TNFAIP8: variants seen among roughly 807,000 people sequenced by gnomAD.
TNFAIP8 encodes the protein TNF alpha induced protein 8, also known as tumor necrosis factor alpha-induced protein 8.
A neutral mutation model predicts 13.3 loss-of-function variants in TNFAIP8; 7 were observed. That is an observed-to-expected ratio of 0.52 (90% CI 0.30 to 0.99). The LOEUF is 0.99. TNFAIP8 is among the 50% of genes least tolerant of loss of function. The probability of loss-of-function intolerance (pLI) is 0.07; values close to 1 mark genes in which losing one functional copy is unlikely to be tolerated. For synonymous variants in TNFAIP8, 94 were observed against 87.6 expected (o/e 1.07, Z -0.41); for missense variants, 258 against 236.9 (o/e 1.09, Z -0.58).
At chr5:119,305,418 A>G (rs1288679300) in intron 1 of TNFAIP8, among the ~76,000 whole-genome samples, 1 of 152,184 alleles carries the variant, frequency 6.6e-6, no homozygotes, top group Non-Finnish European at 1.5e-5. Flanking sequence ...TTGAGTGGTC[A>G]TATCAATTCT....
chr5:119,371,802 G>C (rs1752082745), intron 1 of TNFAIP8, among the ~76,000 whole-genome samples: 1 of 152,104 alleles, frequency 6.6e-6, no homozygotes, highest in Non-Finnish European at 1.5e-5. Context: ...AAGGTGGACA[G>C]AGGTGGTCCA....
intron 1 of TNFAIP8, among the ~76,000 whole-genome samples, chr5:119,387,327 A>G (rs1580449734): frequency 6.6e-6 from 1 of 152,210 alleles, no homozygotes; most frequent in South Asian, 2.1e-4. Flanking sequence ...TTAACAGACA[A>G]CAGCCAGACA....
At chr5:119,369,668 A>G (rs922162072) in intron 1 of TNFAIP8, among the ~76,000 whole-genome samples, 1 of 152,126 alleles carries the variant, frequency 6.6e-6, no homozygotes, top group South Asian at 2.1e-4. Flanking sequence ...ACTGTGTTTT[A>G]CTCAATAGGT....
intron 1 of TNFAIP8, chr5:119,391,434 C>T: frequency 8.5e-6 from 6 of 702,152 alleles, no homozygotes; most frequent in South Asian, 7.4e-5. Flanking sequence ...AGTAGACACC[C>T]AAAGAACTGC....
chr5:119,333,433 T>C, intron 1 of TNFAIP8: 6 of 1,394,074 alleles, frequency 4.3e-6, no homozygotes, highest in Non-Finnish European at 5.6e-6. Context: ...GGTAAGCTTA[T>C]GGTAGATTTT....
At chr5:119,329,898 A>G (rs1398608471) in intron 1 of TNFAIP8, among the ~76,000 whole-genome samples, 1 of 151,912 alleles carries the variant, frequency 6.6e-6, no homozygotes, top group Non-Finnish European at 1.5e-5. Context: ...GAGTCTGACC[A>G]TCCGCCGTCT....
At chr5:119,299,680 GT>G (rs1581583632) in intron 1 of TNFAIP8, among the ~76,000 whole-genome samples, 2 of 152,338 alleles carry the variant, frequency 1.3e-5, no homozygotes, top group East Asian at 3.9e-4. Context: ...GGTTACTGCT[GT>G]CTTTTTGTTT....
chr5:119,362,152 A>G (rs745664406), intron 1 of TNFAIP8, among the ~76,000 whole-genome samples: 4 of 152,240 alleles, frequency 2.6e-5, no homozygotes, highest in Non-Finnish European at 5.9e-5. Context: ...CATGATGGAC[A>G]GAAGTGACTT....
chr5:119,393,458 G>C lies in TNFAIP8; in HGVS notation c.*77G>C. On this transcript the variant is annotated 3_prime_UTR_variant, in exon 2 of 2. Transcript: ENST00000504771. ...TGCTGATTTATGAAGGAAAAAAGAAGAATTTTCTAAAGATTACACATATTT... is the reference window on the plus strand; with the variant it reads ...TGCTGATTTATGAAGGAAAAAAGAACAATTTTCTAAAGATTACACATATTT... 7.5e-7 allele frequency: 1 copy of C among 1,334,474 alleles called. No individual in the cohort carries two copies. Among genetic ancestry groups the C allele is most frequent in the Non-Finnish European group, 1.0e-6 (1 of 975,444 alleles). The allele number at this position is 1,334,474 out of a possible 1,614,324, so 82.7% of individuals were successfully genotyped here. A position where few individuals can be genotyped will look rare whatever the true frequency, so the allele number is the denominator to read the frequency against.
rs1297345837 is a variant in TNFAIP8 at position 119,392,975 on chromosome 5, A to G, written c.191A>G (p.Asn64Ser). 3 of 1,612,538 alleles carry G rather than the reference A, an allele frequency of 1.9e-6. No individual in the cohort carries two copies. The highest frequency in any genetic ancestry group is 2.5e-6 in the Non-Finnish European group (3 of 1,179,246). ...LYRVTREYTQ[N>S]KKEAEKIIKN... is the part of the protein sequence containing the mutation. ...AGAGTGACCAGGGAGTACACCCAAA[A>G]CAAGAAGGAGGCAGAGAAGATCATC... is the stretch of plus-strand genomic sequence containing the variant. The change falls in exon 2 of 2, where the codon AAC becomes AGC. Residue 64 changes from asparagine to serine, a missense_variant. Asn to Ser is a conservative substitution (Grantham distance 46). Transcript: ENST00000504771.
intron 1 of TNFAIP8, among the ~76,000 whole-genome samples, chr5:119,279,776 C>A (rs1006001078): frequency 6.6e-6 from 1 of 152,110 alleles, no homozygotes; most frequent in Non-Finnish European, 1.5e-5. Context: ...TGAGATTGCT[C>A]TTGAGGTATT....
chr5:119,300,271 T>C (rs1272655247), intron 1 of TNFAIP8, among the ~76,000 whole-genome samples: 2 of 152,208 alleles, frequency 1.3e-5, no homozygotes, highest in Admixed American at 1.3e-4. Flanking sequence ...CCCAGTACCT[T>C]CTTAGCAGGA....
At chr5:119,271,141 C>A (rs1748281334) in intron 1 of TNFAIP8, among the ~76,000 whole-genome samples, 1 of 152,134 alleles carries the variant, frequency 6.6e-6, no homozygotes, top group Admixed American at 6.5e-5. Context: ...ACTGCAGAGG[C>A]CAGGAACAGA....
At chr5:119,355,382 G>C (rs1391898212), upstream of TNFAIP8, 4 of 702,470 alleles carry the variant, frequency 5.7e-6, no homozygotes, top group Non-Finnish European at 7.8e-6. Flanking sequence ...GTCTGCTTTT[G>C]CTGTGCAAAG....
intron 1 of TNFAIP8, among the ~76,000 whole-genome samples, chr5:119,272,287 A>G (rs189454455): frequency 1.9e-4 from 29 of 152,334 alleles, no homozygotes; most frequent in African/African-American, 6.7e-4. Context: ...AGCACCATTC[A>G]TTCACACAGC....
intron 1 of TNFAIP8, among the ~76,000 whole-genome samples, chr5:119,377,606 T>G (rs1190247934): frequency 6.6e-6 from 1 of 152,092 alleles, no homozygotes; most frequent in Non-Finnish European, 1.5e-5. Flanking sequence ...TCTATAGAAA[T>G]AAGGAGATTT....
chr5:119,355,962 A>C, upstream of TNFAIP8: 5 of 1,466,214 alleles, frequency 3.4e-6, no homozygotes, highest in Non-Finnish European at 4.6e-6. Flanking sequence ...CGCCCCGGGG[A>C]GGTTTTGATT....
chr5:119,292,644 GCA>G (rs1561985853), intron 1 of TNFAIP8, among the ~76,000 whole-genome samples: 1 of 27,398 alleles, frequency 3.6e-5, no homozygotes, highest in Non-Finnish European at 9.3e-5. Flanking sequence ...AATCAATGTA[GCA>G]TATATATATA....
chr5:119,282,436 C>T (rs994944859), intron 1 of TNFAIP8, among the ~76,000 whole-genome samples: 1 of 152,178 alleles, frequency 6.6e-6, no homozygotes. Flanking sequence ...CTCCTTGAAA[C>T]GGGCCCTTCC....
Sources: gnomAD v4.1 joint callset for allele counts (sites outside exome capture counted in the v4.1 genomes callset) on GRCh38, gnomAD v4.1.1 for gene constraint, MANE v1.5 for transcripts, NCBI Gene and HGNC (gene_info 2026-07-23, HGNC 2026-07-21) for gene names.